BEST3: variants seen among roughly 807,000 people sequenced by gnomAD.
The protein encoded by BEST3 is bestrophin-3.
BEST3 carries 50 observed loss-of-function variants against 47.1 expected under a neutral mutation model. The observed-to-expected ratio is 1.06, with a 90% confidence interval of 0.85 to 1.34. BEST3 has a LOEUF of 1.34. BEST3 is among the 40% of genes most tolerant of loss of function. The pLI is 0.00. For synonymous variants in BEST3, 282 were observed against 298.8 expected (o/e 0.94, Z 0.58); for missense variants, 765 against 817.0 (o/e 0.94, Z 0.78).
At chr12:69,643,661 G>A (rs1465956979) in exon 10 of BEST3, 1 of 636,706 alleles carries the variant, frequency 1.6e-6, no homozygotes, top group Non-Finnish European at 2.9e-6. Flanking sequence ...TAGGAGCCAA[G>A]TTGTTTTGAA....
At chr12:69,670,204 A>T in intron 9 of BEST3, 1 of 443,708 alleles carries the variant, frequency 2.3e-6, no homozygotes, top group South Asian at 3.8e-5. Context: ...AGGCTGAGAC[A>T]TGCATACAAC....
intron 9 of BEST3, among the ~76,000 whole-genome samples, chr12:69,665,465 C>T (rs1026495905): frequency 9.2e-5 from 14 of 152,122 alleles, no homozygotes; most frequent in South Asian, 2.1e-4. Flanking sequence ...TGGTGGTGCA[C>T]GCCTGTAATC....
chr12:69,657,173 G>A (rs1157517139), intron 9 of BEST3, among the ~76,000 whole-genome samples: 2 of 151,634 alleles, frequency 1.3e-5, no homozygotes, highest in Non-Finnish European at 2.9e-5. Flanking sequence ...TCGGCTCACT[G>A]CAACCTCTGT....
intron 9 of BEST3, among the ~76,000 whole-genome samples, chr12:69,666,246 G>A (rs187591771): frequency 1.5e-3 from 232 of 152,262 alleles, no homozygotes; most frequent in African/African-American, 5.1e-3. Flanking sequence ...TCTAACTTCT[G>A]GCCTCAAGTG....
At chr12:69,659,819 A>G (rs890742471) in intron 9 of BEST3, among the ~76,000 whole-genome samples, 1 of 152,184 alleles carries the variant, frequency 6.6e-6, no homozygotes, top group African/African-American at 2.4e-5. Context: ...AACTAATAGC[A>G]GAAATATTAT....
chr12:69,686,929 A>G (rs1885650326), intron 4 of BEST3, among the ~76,000 whole-genome samples: 1 of 152,188 alleles, frequency 6.6e-6, no homozygotes, highest in Non-Finnish European at 1.5e-5. Flanking sequence ...TTAACTGCCC[A>G]GCTGACTGAA....
intron 4 of BEST3, among the ~76,000 whole-genome samples, chr12:69,681,819 G>A (rs901618014): frequency 2.0e-5 from 3 of 152,072 alleles, no homozygotes; most frequent in African/African-American, 4.8e-5. Flanking sequence ...GGTGGCTCAC[G>A]CCTGTAATCC....
At chr12:69,689,175 T>C in intron 4 of BEST3, 1 of 985,464 alleles carries the variant, frequency 1.0e-6, no homozygotes, top group Non-Finnish European at 1.2e-6. Flanking sequence ...CCCAGAAACC[T>C]TGGCACAGGC....
At chr12:69,656,608 G>T (rs986508635) in intron 9 of BEST3, among the ~76,000 whole-genome samples, 1 of 151,684 alleles carries the variant, frequency 6.6e-6, no homozygotes, top group African/African-American at 2.4e-5. Flanking sequence ...TAGATGAGTT[G>T]GTATTAGTAT....
At chr12:69,655,902 T>C (rs1883462378) in intron 9 of BEST3, 89 bp from the exon 10 acceptor site, 2 of 1,491,296 alleles carry the variant, frequency 1.3e-6, no homozygotes, top group South Asian at 2.8e-5. Flanking sequence ...ATGACTTTGG[T>C]ATTTTTGCCT....
chr12:69,651,487 A>T (rs966120655), downstream of BEST3, among the ~76,000 whole-genome samples: 2 of 152,168 alleles, frequency 1.3e-5, no homozygotes, highest in African/African-American at 4.8e-5. Context: ...TTAAAATGGA[A>T]TCAAACAGGG....
chr12:69,657,054 T>C (rs557995304), intron 9 of BEST3, among the ~76,000 whole-genome samples: 15 of 152,270 alleles, frequency 9.9e-5, no homozygotes, highest in African/African-American at 3.6e-4. Flanking sequence ...CTGCTGAATT[T>C]CTACCATTTA....
At chr12:69,671,301 G>A (rs1376941256) in intron 9 of BEST3, 127 bp downstream of exon 9, 6 of 958,738 alleles carry the variant, frequency 6.3e-6, no homozygotes, top group Admixed American at 3.2e-5. Context: ...AAGTAGCTAG[G>A]ACTACAGGTG....
chr12:69,665,463 C>T (rs1365735366), intron 9 of BEST3, among the ~76,000 whole-genome samples: 1 of 152,098 alleles, frequency 6.6e-6, no homozygotes, highest in Non-Finnish European at 1.5e-5. Flanking sequence ...TGTGGTGGTG[C>T]ACGCCTGTAA....
At chr12:69,693,995 A>G in intron 3 of BEST3, 88 bp from the exon 4 acceptor site, 1 of 1,012,912 alleles carries the variant, frequency 9.9e-7, no homozygotes, top group Non-Finnish European at 1.4e-6. Context: ...TAGCCTTTTT[A>G]GAGGTTGGAG....
downstream of BEST3, among the ~76,000 whole-genome samples, chr12:69,650,334 G>C (rs1474188508): frequency 6.6e-6 from 1 of 152,124 alleles, no homozygotes; most frequent in Non-Finnish European, 1.5e-5. Context: ...CGACTCAGTG[G>C]CCACATGAGT....
At chr12:69,685,895 C>T (rs1885550071) in intron 4 of BEST3, among the ~76,000 whole-genome samples, 1 of 152,154 alleles carries the variant, frequency 6.6e-6, no homozygotes, top group African/African-American at 2.4e-5. Context: ...CCGACACTGC[C>T]TATCCATGCT....
intron 9 of BEST3, among the ~76,000 whole-genome samples, chr12:69,648,107 T>C (rs986832419): frequency 1.3e-5 from 2 of 152,146 alleles, no homozygotes; most frequent in East Asian, 1.9e-4. Context: ...GATGCCAAGC[T>C]TGGGGTTGGG....
chr12:69,655,598 G>A lies in BEST3; in HGVS notation c.1316C>T (p.Pro439Leu). The A allele has an allele frequency of 6.2e-7, 1 of 1,613,934 alleles. No homozygotes were observed. The highest frequency in any genetic ancestry group is 8.5e-7 in the Non-Finnish European group (1 of 1,179,980). The change falls in exon 10 of 10, where the codon CCC becomes CTC. Residue 439 changes from proline to leucine, a missense_variant. By Grantham distance (98) the Pro-to-Leu change is moderately conservative. Transcript: ENST00000330891. ...LSPARDLLDV[P>L]SRNPPRASPT... ...TGAGGCCCTGGGGGGGTTTCTTGAG[G>A]GCACATCCAGTAGGTCCCTGGCTGG... is the stretch of plus-strand genomic sequence containing the variant.
Sources: gnomAD v4.1 joint callset for allele counts (sites outside exome capture counted in the v4.1 genomes callset) on GRCh38, gnomAD v4.1.1 for gene constraint, MANE v1.5 for transcripts, NCBI Gene and HGNC (gene_info 2026-07-23, HGNC 2026-07-21) for gene names.